Variants in SNTG2 observed in about 807,000 individuals in gnomAD.
SNTG2 encodes gamma-2-syntrophin.
In SNTG2, 74 loss-of-function variants were observed where a neutral mutation model predicts 70.9. The ratio of observed to expected loss-of-function variants is 1.04; its 90% CI spans 0.86 to 1.27. The LOEUF (loss-of-function observed/expected upper bound fraction) is 1.27. SNTG2 is among the 50% of genes most tolerant of loss of function. The pLI, the probability that SNTG2 is intolerant of heterozygous loss-of-function variation, is 0.00. For missense variants in SNTG2, 717 were observed against 690.7 expected, an observed-to-expected ratio of 1.04 and a Z score of -0.43; for synonymous variants, 278 against 273.8, an observed-to-expected ratio of 1.02 and a Z score of -0.15.
chr2:1,081,649 T>C (rs1420799758), intron 1 of SNTG2, among the ~76,000 whole-genome samples: 5 of 152,234 alleles, frequency 3.3e-5, no homozygotes, highest in Non-Finnish European at 7.4e-5. Context: ...CCACAGGCAC[T>C]GCCCCTTCCA....
intron 4 of SNTG2, among the ~76,000 whole-genome samples, chr2:1,123,550 A>T (rs764636085): frequency 1.1e-4 from 16 of 152,204 alleles, no homozygotes; most frequent in Non-Finnish European, 2.4e-4. Context: ...CGTATAGGAA[A>T]CCTACCAAAA....
rs992982553 is a variant in SNTG2, at chr2:1,247,322, T to C, written c.889-5T>C. 19 of 1,596,936 alleles carry C rather than the reference T, an allele frequency of 1.2e-5. No individual in the cohort carries two copies. The highest frequency in any genetic ancestry group is 1.5e-5 in the Non-Finnish European group (18 of 1,164,516). ...GCTTGGTTTGTAATTTTCACCCCTC[T>C]GCAGGTTGTGCATATGGGGTGGGTA... On this transcript the variant is annotated splice_region_variant and splice_polypyrimidine_tract_variant and intron_variant, in intron 11 of 16. Coordinates refer to ENST00000308624, the MANE Select transcript of SNTG2 (RefSeq NM_018968.4).
chr2:1,259,272 G>T, intron 12 of SNTG2, 98 bp from the exon 13 acceptor site: 1 of 979,502 alleles, frequency 1.0e-6, no homozygotes, highest in East Asian at 2.4e-5. Context: ...GGATTTAATT[G>T]AGGTGGACAC....
chr2:1,310,044 A>G (rs1281865238), intron 15 of SNTG2, among the ~76,000 whole-genome samples: 2 of 152,234 alleles, frequency 1.3e-5, no homozygotes, highest in Non-Finnish European at 1.5e-5. Context: ...CAAACTCTCC[A>G]TACAGCTTCT....
intron 9 of SNTG2, among the ~76,000 whole-genome samples, chr2:1,232,049 G>GC (rs1676288279): frequency 6.6e-6 from 1 of 152,104 alleles, no homozygotes. Context: ...GTGCTCCAGT[G>GC]CCCCACTCAC....
chr2:1,273,353 A>T (rs1327330173), intron 14 of SNTG2, among the ~76,000 whole-genome samples: 2 of 152,146 alleles, frequency 1.3e-5, no homozygotes, highest in African/African-American at 4.8e-5. Flanking sequence ...CTCCCCAAAG[A>T]CTATTCTTGT....
chr2:1,259,159 A>G (rs1486685631), intron 12 of SNTG2, among the ~76,000 whole-genome samples: 1 of 152,240 alleles, frequency 6.6e-6, no homozygotes, highest in Non-Finnish European at 1.5e-5. Flanking sequence ...TAAAGGATCT[A>G]TTATATTTGC....
intron 1 of SNTG2, among the ~76,000 whole-genome samples, chr2:991,418 T>A (rs905045247): frequency 8.2e-5 from 11 of 133,864 alleles, no homozygotes; most frequent in African/African-American, 3.0e-4. Context: ...ATTATGACTT[T>A]AATTCTAGAA....
chr2:1,208,368 G>C (rs1289648140), intron 8 of SNTG2, among the ~76,000 whole-genome samples: 1 of 150,838 alleles, frequency 6.6e-6, no homozygotes, highest in East Asian at 2.0e-4. Context: ...GGTCGCTGGG[G>C]CGGCAGCACC....
intron 1 of SNTG2, among the ~76,000 whole-genome samples, chr2:991,407 A>ACACACACACT (rs1553305482): frequency 0.015 from 2,237 of 151,196 alleles, 26 homozygotes; most frequent in Non-Finnish European, 0.019. Flanking sequence ...ACACACACAC[A>ACACACACACT]ATTATGACTT....
intron 1 of SNTG2, among the ~76,000 whole-genome samples, chr2:1,054,471 T>G (rs1298794433): frequency 1.3e-5 from 2 of 152,220 alleles, no homozygotes; most frequent in Non-Finnish European, 2.9e-5. Flanking sequence ...GTTTGAAGGA[T>G]TCCTGAAAGG....
intron 14 of SNTG2, among the ~76,000 whole-genome samples, chr2:1,278,299 T>C (rs1231307895): frequency 6.6e-6 from 1 of 152,178 alleles, no homozygotes; most frequent in African/African-American, 2.4e-5. Context: ...CCTGACCATG[T>C]CAGTTACCGC....
At chr2:1,313,752 A>T (rs1023066155) in intron 15 of SNTG2, among the ~76,000 whole-genome samples, 3 of 152,168 alleles carry the variant, frequency 2.0e-5, no homozygotes, top group African/African-American at 7.2e-5. Context: ...GCCTGCGCCC[A>T]TGGAGCCCCA....
intron 14 of SNTG2, among the ~76,000 whole-genome samples, chr2:1,293,777 G>A (rs1049135061): frequency 1.5e-4 from 23 of 152,062 alleles, no homozygotes; most frequent in African/African-American, 5.1e-4. Flanking sequence ...CATGTGGAGC[G>A]AACCTTGTAA....
chr2:988,698 A>G (rs1363365954), intron 1 of SNTG2, among the ~76,000 whole-genome samples: 1 of 151,724 alleles, frequency 6.6e-6, no homozygotes, highest in Non-Finnish European at 1.5e-5. Context: ...CCTGCTGGTC[A>G]TTTTAGGAAG....
rs1485874160 is a variant in SNTG2 at position 1,235,222 on chromosome 2, C to T, written c.720-2666C>T. ...CCCTACAGGCCCCACCAGGCACCCC[C>T]GATTCATGAGAGGGGGCGCCCCTAC... On this transcript the variant is annotated intron_variant, in intron 9 of 16. Transcript: ENST00000308624. 4.0e-4 allele frequency among the ~76,000 whole-genome samples: 57 copies of T among 143,158 alleles called. 1 individual carries two copies. Among genetic ancestry groups the T allele is most frequent in the Admixed American group, 7.5e-4 (11 of 14,644 alleles). The allele number at this position is 143,158 out of a possible 152,430, so 93.9% of individuals were successfully genotyped here.
chr2:1,268,922 C>T (rs949862042), intron 14 of SNTG2, among the ~76,000 whole-genome samples: 1 of 152,090 alleles, frequency 6.6e-6, no homozygotes, highest in Admixed American at 6.5e-5. Flanking sequence ...TGCCCCACAC[C>T]CTCTAGTGCC....
At chr2:1,105,582 G>A (rs1335330075) in intron 4 of SNTG2, among the ~76,000 whole-genome samples, 1 of 152,126 alleles carries the variant, frequency 6.6e-6, no homozygotes, top group East Asian at 1.9e-4. Flanking sequence ...ATGGGCGATT[G>A]GATTTGACAC....
intron 14 of SNTG2, among the ~76,000 whole-genome samples, chr2:1,294,193 A>G (rs531061020): frequency 1.3e-5 from 2 of 152,240 alleles, no homozygotes; most frequent in South Asian, 4.1e-4. Context: ...ACTCCCACGC[A>G]TGGGGACACT....
Sources: gnomAD v4.1 joint callset for allele counts (sites outside exome capture counted in the v4.1 genomes callset) on GRCh38, gnomAD v4.1.1 for gene constraint, MANE v1.5 for transcripts, NCBI Gene and HGNC (gene_info 2026-07-23, HGNC 2026-07-21) for gene names.